The following ASTN2 variants were observed in gnomAD, a reference collection of about 807,000 sequenced individuals.
ASTN2 encodes the protein astrotactin-2.
In ASTN2, 54 loss-of-function variants were observed where a neutral mutation model predicts 139.8. That is an observed-to-expected ratio of 0.39 (90% CI 0.31 to 0.48). The LOEUF is 0.48. Ranked by LOEUF, ASTN2 falls within the 20% of genes least tolerant of loss-of-function variation. The pLI, the probability that ASTN2 is intolerant of heterozygous loss-of-function variation, is 0.95. For synonymous variants in ASTN2, 756 were observed against 719.5 expected (o/e 1.05, Z -0.81); for missense variants, 1,565 against 1,725.1 (o/e 0.91, Z 1.64).
In ASTN2 at chr9:116,595,535, C is replaced by G. The variant is rs1046344947; in HGVS notation, c.3355+22789G>C. Among the ~76,000 whole-genome samples, 11 of 152,218 alleles carry G rather than the reference C, an allele frequency of 7.2e-5. No individual in the cohort carries two copies. In the South Asian group the frequency reaches 1.5e-3, roughly 20 times the overall value. ...AGAGACGGGGTTTCACTATGTTGGC[C>G]AGGCTGGTTTTGAACTCCTGACCTC... is the stretch of plus-strand genomic sequence containing the variant. On this transcript the variant is annotated intron_variant, in intron 19 of 22. Transcript: ENST00000313400.
chr9:116,991,063 C>T (rs1192640891), intron 7 of ASTN2, among the ~76,000 whole-genome samples: 4 of 152,164 alleles, frequency 2.6e-5, no homozygotes, highest in African/African-American at 4.8e-5. Flanking sequence ...GAAACTCAAA[C>T]CATCTAGTGA....
chr9:117,178,548 C>T (rs142232410), intron 3 of ASTN2, among the ~76,000 whole-genome samples: 53 of 152,278 alleles, frequency 3.5e-4, no homozygotes, highest in African/African-American at 1.2e-3. Context: ...CCCAACATCC[C>T]TCACTAACTG....
chr9:116,535,407 A>G (rs1362403957), intron 19 of ASTN2, among the ~76,000 whole-genome samples: 1 of 152,056 alleles, frequency 6.6e-6, no homozygotes, highest in African/African-American at 2.4e-5. Flanking sequence ...TGTCATTATG[A>G]TGTTAGCTGG....
intron 1 of ASTN2, among the ~76,000 whole-genome samples, chr9:117,370,504 A>T (rs1405710909): frequency 6.6e-6 from 1 of 152,190 alleles, no homozygotes. Flanking sequence ...TCCAAAGAAC[A>T]TGTTACAGTT....
chr9:117,263,221 A>G (rs1425800167), intron 2 of ASTN2, among the ~76,000 whole-genome samples: 2 of 152,204 alleles, frequency 1.3e-5, no homozygotes, highest in Non-Finnish European at 2.9e-5. Context: ...GATACTAAAT[A>G]TAAAGTAATC....
rs193096396 is a variant in ASTN2, at chr9:117,301,098, G to T, written c.443-9585C>A. Among the ~76,000 whole-genome samples the T allele has an allele frequency of 6.6e-5, 10 of 152,222 alleles. No homozygotes were observed. In the East Asian group the frequency reaches 1.9e-3, roughly 29 times the overall value. On this transcript the variant is annotated intron_variant, in intron 1 of 22. Transcript: ENST00000313400. ...AAGCATATCGTTTCAGATTAGATTT[G>T]GAAATAGATAGAGGGTTGCTGGAAT...
Position 116,661,401 on chromosome 9 carries a change from G to A in ASTN2, c.2807-9608C>T, listed in dbSNP as rs76643016. ...GCTATGATACAAGGAAGCTTAGTGC[G>A]ATGAGTAAAAGAATTCTGAAAGAGC... On this transcript the variant is annotated intron_variant, in intron 16 of 22. Transcript: ENST00000313400. 1.2e-3 allele frequency among the ~76,000 whole-genome samples: 186 copies of A among 152,248 alleles called. 4 individuals are homozygous for A. In the East Asian group the frequency reaches 0.029, roughly 24 times the overall value.
intron 2 of ASTN2, among the ~76,000 whole-genome samples, chr9:117,249,705 T>TC (rs397830999): frequency 6.6e-6 from 1 of 150,972 alleles, no homozygotes; most frequent in Non-Finnish European, 1.5e-5. Flanking sequence ...TTTTTTTTTT[T>TC]AACTTTAAAG....
chr9:117,187,230 G>A (rs1831223531), intron 3 of ASTN2, among the ~76,000 whole-genome samples: 1 of 152,170 alleles, frequency 6.6e-6, no homozygotes, highest in African/African-American at 2.4e-5. Context: ...ATTTTATACA[G>A]GCTGGTCAGG....
At chr9:116,879,592 C>G (rs921039196) in intron 10 of ASTN2, among the ~76,000 whole-genome samples, 2 of 152,190 alleles carry the variant, frequency 1.3e-5, no homozygotes. Flanking sequence ...AATAAAACTT[C>G]CATGAAGGCA....
chr9:116,498,493 G>A (rs924360171), intron 19 of ASTN2, among the ~76,000 whole-genome samples: 1 of 152,064 alleles, frequency 6.6e-6, no homozygotes, highest in African/African-American at 2.4e-5. Context: ...AGCTATATGA[G>A]AGGCTGAAGT....
At chr9:116,455,800 A>G (rs1476983854) in intron 20 of ASTN2, among the ~76,000 whole-genome samples, 1 of 152,066 alleles carries the variant, frequency 6.6e-6, no homozygotes, top group Non-Finnish European at 1.5e-5. Context: ...ATTTTTGTAG[A>G]GACATAATTT....
At chr9:116,640,096 C>T (rs950442613) in intron 17 of ASTN2, among the ~76,000 whole-genome samples, 7 of 151,926 alleles carry the variant, frequency 4.6e-5, no homozygotes, top group Non-Finnish European at 1.0e-4. Context: ...GATGTTCTCT[C>T]GGTGAGGGAA....
At chr9:117,107,734 C>T (rs7030723) in intron 4 of ASTN2, among the ~76,000 whole-genome samples, 79,316 of 152,004 alleles carry the variant, frequency 0.52, 21,640 homozygotes, top group African/African-American at 0.71. Context: ...CTGACTTACA[C>T]TCAACATGCC....
chr9:117,036,237 G>A (rs560923435), intron 6 of ASTN2, among the ~76,000 whole-genome samples: 1 of 152,250 alleles, frequency 6.6e-6, no homozygotes, highest in Admixed American at 6.5e-5. Context: ...AAGATATTAT[G>A]GCATGTAAGG....
At chr9:116,901,917 A>T (rs1014472734) in intron 10 of ASTN2, among the ~76,000 whole-genome samples, 12 of 152,086 alleles carry the variant, frequency 7.9e-5, no homozygotes, top group African/African-American at 2.9e-4. Context: ...AATCCCAGCT[A>T]CTCAGGAGGC....
chr9:116,909,627 G>C (rs908032474), intron 10 of ASTN2, among the ~76,000 whole-genome samples: 2 of 152,184 alleles, frequency 1.3e-5, no homozygotes, highest in African/African-American at 4.8e-5. Context: ...GAAATCACCT[G>C]GGGAGTGAGA....
At chr9:117,278,120 A>T (rs1834238074) in intron 2 of ASTN2, among the ~76,000 whole-genome samples, 1 of 152,352 alleles carries the variant, frequency 6.6e-6, no homozygotes, top group African/African-American at 2.4e-5. Context: ...CAAGTGACAG[A>T]TGACAAACAA....
chr9:117,228,982 C>T (rs777199181), intron 2 of ASTN2, among the ~76,000 whole-genome samples: 1 of 151,702 alleles, frequency 6.6e-6, no homozygotes, highest in Non-Finnish European at 1.5e-5. Context: ...CCAGCCTGGG[C>T]AACAGAGTGA....
Sources: gnomAD v4.1 joint callset for allele counts (sites outside exome capture counted in the v4.1 genomes callset) on GRCh38, gnomAD v4.1.1 for gene constraint, MANE v1.5 for transcripts, NCBI Gene and HGNC (gene_info 2026-07-23, HGNC 2026-07-21) for gene names.